Variants in HMBOX1 observed in about 807,000 individuals in gnomAD.
The protein encoded by HMBOX1 is homeobox containing 1.
A neutral mutation model predicts 54.5 loss-of-function variants in HMBOX1; 14 were observed. The ratio of observed to expected loss-of-function variants is 0.26; its 90% CI spans 0.17 to 0.40. The LOEUF (loss-of-function observed/expected upper bound fraction) is 0.40, where lower values mean the gene tolerates loss of function less well. HMBOX1 is among the 10% of genes least tolerant of loss of function. HMBOX1 has a pLI of 1.00. For missense variants in HMBOX1, 332 were observed against 514.4 expected, an observed-to-expected ratio of 0.65 and a Z score of 3.43; for synonymous variants, 160 against 181.0, an observed-to-expected ratio of 0.88 and a Z score of 0.93.
chr8:28,908,284 C>T (rs1395377151), intron 1 of HMBOX1, among the ~76,000 whole-genome samples: 10 of 151,990 alleles, frequency 6.6e-5, no homozygotes. Flanking sequence ...AGGACCTTTC[C>T]TAGGACCATA....
chr8:28,997,687 A>G (rs1016565987), intron 4 of HMBOX1, among the ~76,000 whole-genome samples: 14 of 152,136 alleles, frequency 9.2e-5, no homozygotes. Flanking sequence ...GCTGGGGACT[A>G]CAGGTGTGCG....
At chr8:28,978,579 T>C (rs1021489410) in intron 3 of HMBOX1, among the ~76,000 whole-genome samples, 57 of 152,170 alleles carry the variant, frequency 3.7e-4, no homozygotes, top group African/African-American at 8.2e-4. Flanking sequence ...GGTTAGGAGT[T>C]CGAGACCAGC....
intron 1 of HMBOX1, among the ~76,000 whole-genome samples, chr8:28,902,984 T>C (rs1179185147): frequency 2.6e-5 from 4 of 152,358 alleles, no homozygotes; most frequent in East Asian, 1.9e-4. Context: ...CTACCACTTA[T>C]ATTTCTTTCT....
chr8:28,983,324 C>G (rs542954093), intron 4 of HMBOX1, among the ~76,000 whole-genome samples: 9 of 152,312 alleles, frequency 5.9e-5, no homozygotes, highest in Admixed American at 5.9e-4. Context: ...ATGCCCCCAG[C>G]TGAATTTCAC....
At chr8:28,941,267 C>T (rs80135608) in intron 1 of HMBOX1, among the ~76,000 whole-genome samples, 3,560 of 152,154 alleles carry the variant, frequency 0.023, 93 homozygotes, top group Middle Eastern at 0.034. Context: ...AATAGGAAAA[C>T]ATCAGTTAGA....
At chr8:29,031,977 C>T (rs1696644653) in intron 6 of HMBOX1, among the ~76,000 whole-genome samples, 1 of 152,124 alleles carries the variant, frequency 6.6e-6, no homozygotes, top group Admixed American at 6.5e-5. Flanking sequence ...GTAGTGGGAG[C>T]ACCATGTGCA....
rs1490012953 is a variant in HMBOX1, at chr8:28,944,880, T to C, written c.-57-18931T>C. On this transcript the variant is annotated intron_variant, in intron 1 of 9. Coordinates refer to ENST00000287701, the MANE Select transcript of HMBOX1 (RefSeq NM_001135726.3). Reference sequence around the variant, plus strand: ...AAAAAACTGAATTTTGGAAAGAAACTTGGGACAATGAGTCCCTGCAGTTGC... The same window carrying C: ...AAAAAACTGAATTTTGGAAAGAAACCTGGGACAATGAGTCCCTGCAGTTGC... Among the ~76,000 whole-genome samples, 3 of 152,160 alleles carry C rather than the reference T, an allele frequency of 2.0e-5. No individual in the cohort carries two copies. The East Asian group carries it at 5.8e-4, about 29-fold the overall frequency.
intron 4 of HMBOX1, among the ~76,000 whole-genome samples, chr8:28,981,187 CA>C (rs1829275969): frequency 6.6e-6 from 1 of 152,078 alleles, no homozygotes; most frequent in African/African-American, 2.4e-5. Context: ...TATTTCATCC[CA>C]AGTATCTAAG....
chr8:28,945,611 G>C (rs1822288149), intron 1 of HMBOX1, among the ~76,000 whole-genome samples: 1 of 152,078 alleles, frequency 6.6e-6, no homozygotes, highest in Non-Finnish European at 1.5e-5. Context: ...CTTAGTGTAG[G>C]ATTTTTGTAT....
At chr8:29,004,069 G>A (rs978465738) in intron 4 of HMBOX1, among the ~76,000 whole-genome samples, 2 of 152,192 alleles carry the variant, frequency 1.3e-5, no homozygotes, top group East Asian at 1.9e-4. Flanking sequence ...AGAGTGTGGG[G>A]GGAAAGTAGA....
intron 1 of HMBOX1, among the ~76,000 whole-genome samples, chr8:28,920,776 T>C (rs1403472131): frequency 6.6e-6 from 1 of 152,208 alleles, no homozygotes; most frequent in Non-Finnish European, 1.5e-5. Flanking sequence ...AGAAAAGTAT[T>C]CATCTATCTT....
rs1215235640 is a variant in HMBOX1, at chr8:29,051,121, A to G, written c.1229A>G (p.Asn410Ser). The G allele has an allele frequency of 1.2e-6, 2 of 1,613,986 alleles. No homozygotes were observed. The highest frequency in any genetic ancestry group is 1.7e-6 in the Non-Finnish European group (2 of 1,179,998). The change falls in exon 10 of 10, where the codon AAC becomes AGC. Residue 410 changes from asparagine to serine, a missense_variant. By Grantham distance (46) the Asn-to-Ser change is conservative. This residue lies in a region of HMBOX1 where 69 missense variants were observed against 104.6 expected (regional missense o/e 0.66). Coordinates refer to ENST00000287701, the MANE Select transcript of HMBOX1 (RefSeq NM_001135726.3). ...TTGGCATTGGCCCGACAAGGAGCCA[A>G]CGAAATCAAGACAGAGGCCCTGGAT... is the stretch of plus-strand genomic sequence containing the variant. ...TILALARQGA[N>S]EIKTEALDDD
chr8:28,943,302 T>C (rs914333728), intron 1 of HMBOX1, among the ~76,000 whole-genome samples: 1 of 152,160 alleles, frequency 6.6e-6, no homozygotes, highest in Admixed American at 6.5e-5. Flanking sequence ...AAGGAAGCAG[T>C]GAGGACCAAA....
In HMBOX1 at chr8:29,051,052, C is replaced by CCAT. The variant is rs774854214; in HGVS notation, c.1162_1164dup (p.Ile388dup). On this transcript the variant is annotated inframe_insertion, in exon 10 of 10. Coordinates refer to ENST00000287701, the MANE Select transcript of HMBOX1 (RefSeq NM_001135726.3). ...ACGAGCCATAGTGACCACCAAGACC[C>CCAT]CATCTCATTAGCTGTGGAAATGGCA... 6.2e-7 allele frequency: 1 copy of CCAT among 1,613,604 alleles called. No individual in the cohort carries two copies. Among genetic ancestry groups the CCAT allele is most frequent in the African/African-American group, 1.3e-5 (1 of 74,760 alleles).
chr8:29,009,005 A>C, intron 4 of HMBOX1, 67 bp from the exon 5 acceptor site: 1 of 1,306,010 alleles, frequency 7.7e-7, no homozygotes, highest in South Asian at 1.2e-5. Context: ...ACCTAGAACC[A>C]AAAGATCCTT....
chr8:28,924,101 GTTTTTTTTTGGT>G (rs1406210554), intron 1 of HMBOX1, among the ~76,000 whole-genome samples: 2 of 144,796 alleles, frequency 1.4e-5, no homozygotes, highest in South Asian at 4.4e-4. Flanking sequence ...GGACATAAGT[GTTTTTTTTTGGT>G]TTTTTTTTTT....
intron 1 of HMBOX1, among the ~76,000 whole-genome samples, chr8:28,913,991 C>T (rs1563375730): frequency 6.6e-6 from 1 of 151,994 alleles, no homozygotes; most frequent in Non-Finnish European, 1.5e-5. Flanking sequence ...CTGCCCCAGC[C>T]TCCCAAGTAG....
intron 5 of HMBOX1, among the ~76,000 whole-genome samples, chr8:29,016,342 A>G (rs1563586860): frequency 6.6e-6 from 1 of 152,228 alleles, no homozygotes; most frequent in African/African-American, 2.4e-5. Flanking sequence ...ACAGGAAAAG[A>G]TGCTCATTCT....
intron 5 of HMBOX1, among the ~76,000 whole-genome samples, chr8:29,016,493 T>C (rs774761625): frequency 3.3e-5 from 5 of 152,156 alleles, no homozygotes; most frequent in Non-Finnish European, 7.3e-5. Context: ...TAGTTATCTA[T>C]TCTTATACAA....
Sources: allele counts gnomAD v4.1 joint callset (sites outside exome capture counted in the v4.1 genomes callset), GRCh38; gene constraint gnomAD v4.1.1; regional missense constraint gnomAD v4.1.1; transcripts MANE v1.5; gene names NCBI Gene and HGNC (gene_info 2026-07-23, HGNC 2026-07-21).